The following SCHIP1 variants were observed in gnomAD, a reference collection of about 807,000 sequenced individuals.
SCHIP1 encodes the protein schwannomin interacting protein 1, also known as schwannomin-interacting protein 1.
SCHIP1 carries 8 observed loss-of-function variants against 29.7 expected under a neutral mutation model. The observed-to-expected ratio is 0.27, with a 90% CI of 0.16 to 0.49. The LOEUF (loss-of-function observed/expected upper bound fraction) is 0.49, where lower values mean the gene tolerates loss of function less well. Among genes scored for constraint, SCHIP1 ranks in the 20% least tolerant of loss-of-function variants. The probability of loss-of-function intolerance (pLI) is 0.99; values close to 1 mark genes in which losing one functional copy is unlikely to be tolerated. For synonymous variants in SCHIP1, 76 were observed against 94.9 expected, an observed-to-expected ratio of 0.80 and a Z score of 1.16; for missense variants, 193 against 294.6, an observed-to-expected ratio of 0.66 and a Z score of 2.52.
the SCHIP1 span, among the ~76,000 whole-genome samples, chr3:159,354,994 A>G: frequency 6.6e-6 from 1 of 152,132 alleles, no homozygotes; most frequent in Non-Finnish European, 1.5e-5. Flanking sequence ...TGCCTCCCAT[A>G]GATATTCTAA....
At chr3:159,391,628 G>T in the SCHIP1 span, among the ~76,000 whole-genome samples, 1 of 152,174 alleles carries the variant, frequency 6.6e-6, no homozygotes, top group Non-Finnish European at 1.5e-5. Flanking sequence ...AGCTGCACAA[G>T]AATTTATTGA....
chr3:159,450,632 G>A, the SCHIP1 span, among the ~76,000 whole-genome samples: 4 of 152,188 alleles, frequency 2.6e-5, no homozygotes, highest in Non-Finnish European at 5.9e-5. Context: ...CATATAATCA[G>A]AGCAGGAGCG....
At chr3:159,796,939 C>T in the SCHIP1 span, among the ~76,000 whole-genome samples, 1 of 152,220 alleles carries the variant, frequency 6.6e-6, no homozygotes, top group Non-Finnish European at 1.5e-5. Flanking sequence ...TAACCAGCTA[C>T]TGAATTATTA....
At chr3:159,427,710 G>C in the SCHIP1 span, among the ~76,000 whole-genome samples, 2 of 151,786 alleles carry the variant, frequency 1.3e-5, no homozygotes, top group South Asian at 2.1e-4. Context: ...AGTTCATATG[G>C]AACCAAAAAA....
the SCHIP1 span, among the ~76,000 whole-genome samples, chr3:159,529,083 A>AT: frequency 6.6e-6 from 1 of 152,190 alleles, no homozygotes; most frequent in Non-Finnish European, 1.5e-5. Context: ...GATAATGTAT[A>AT]TAATAACCAT....
chr3:159,301,627 C>T, the SCHIP1 span, among the ~76,000 whole-genome samples: 3 of 152,118 alleles, frequency 2.0e-5, no homozygotes, highest in Non-Finnish European at 2.9e-5. Flanking sequence ...TTGCTGTTCT[C>T]GTGATAGTGA....
the SCHIP1 span, among the ~76,000 whole-genome samples, chr3:159,792,378 T>C: frequency 6.6e-6 from 1 of 152,240 alleles, no homozygotes; most frequent in Non-Finnish European, 1.5e-5. Context: ...TCATCCTGGA[T>C]GTGAGGATGA....
the SCHIP1 span, among the ~76,000 whole-genome samples, chr3:159,439,988 C>T: frequency 6.6e-6 from 1 of 152,116 alleles, no homozygotes; most frequent in African/African-American, 2.4e-5. Context: ...TGCCTATATC[C>T]TGAATGACAT....
chr3:159,821,644 T>C, the SCHIP1 span, among the ~76,000 whole-genome samples: 3 of 152,238 alleles, frequency 2.0e-5, no homozygotes, highest in African/African-American at 7.2e-5. Context: ...ACAAATTTAT[T>C]TTTCCTTTTT....
At chr3:159,642,956 G>C in the SCHIP1 span, among the ~76,000 whole-genome samples, 1 of 152,046 alleles carries the variant, frequency 6.6e-6, no homozygotes, top group South Asian at 2.1e-4. Context: ...GAAGGGGCTA[G>C]TCCTGCTTTA....
chr3:159,468,541 A>C, the SCHIP1 span, among the ~76,000 whole-genome samples: 1 of 151,732 alleles, frequency 6.6e-6, no homozygotes, highest in Non-Finnish European at 1.5e-5. Flanking sequence ...ATTTAATCCA[A>C]TCTCCTCATT....
chr3:159,884,680 C>T (rs1716792080), intron 2 of SCHIP1, among the ~76,000 whole-genome samples: 1 of 152,136 alleles, frequency 6.6e-6, no homozygotes, highest in Non-Finnish European at 1.5e-5. Context: ...TTTAATCCTT[C>T]CTGCATAACA....
At chr3:159,605,121 G>T in the SCHIP1 span, among the ~76,000 whole-genome samples, 1 of 152,346 alleles carries the variant, frequency 6.6e-6, no homozygotes, top group South Asian at 2.1e-4. Context: ...TAGAAGAGTT[G>T]AAATTTAGAT....
the SCHIP1 span, among the ~76,000 whole-genome samples, chr3:159,779,445 A>T: frequency 6.6e-6 from 1 of 151,598 alleles, no homozygotes; most frequent in South Asian, 2.1e-4. Context: ...GAGTGGGCAG[A>T]TCACCTTGAG....
the SCHIP1 span, among the ~76,000 whole-genome samples, chr3:159,356,958 A>G: frequency 1.3e-5 from 2 of 152,238 alleles, no homozygotes; most frequent in African/African-American, 2.4e-5. Flanking sequence ...AATTCTTTTA[A>G]ACTAAATTGA....
At chr3:159,507,373 C>T in the SCHIP1 span, among the ~76,000 whole-genome samples, 2 of 152,170 alleles carry the variant, frequency 1.3e-5, no homozygotes, top group Non-Finnish European at 2.9e-5. Context: ...TGCGCTGAGT[C>T]GATGGGGTTT....
chr3:159,658,966 C>T, the SCHIP1 span, among the ~76,000 whole-genome samples: 1 of 152,192 alleles, frequency 6.6e-6, no homozygotes, highest in African/African-American at 2.4e-5. Flanking sequence ...CCAAAATATA[C>T]CAACATGTGT....
At chr3:159,414,390 G>T in the SCHIP1 span, among the ~76,000 whole-genome samples, 1 of 152,168 alleles carries the variant, frequency 6.6e-6, no homozygotes, top group Non-Finnish European at 1.5e-5. Flanking sequence ...AACTAGGGAT[G>T]GAAGAGGCCA....
the SCHIP1 span, chr3:159,764,482 G>GGCA: frequency 1.5e-4 from 240 of 1,589,150 alleles, no homozygotes; most frequent in African/African-American, 1.5e-3. The surrounding 1 kb of genome is among the most constrained non-coding windows in gnomAD (Gnocchi z 6.1). Flanking sequence ...CAGTGACGCC[G>GGCA]GCAGCAGCAG....
Sources: allele counts gnomAD v4.1 joint callset (sites outside exome capture counted in the v4.1 genomes callset), GRCh38; gene constraint gnomAD v4.1.1; non-coding constraint Gnocchi (gnomAD v3.1); transcripts MANE v1.5; gene names NCBI Gene and HGNC (gene_info 2026-07-23, HGNC 2026-07-21).